The following ABHD18 variants were observed in gnomAD, a reference collection of about 807,000 sequenced individuals.
ABHD18 encodes abhydrolase domain containing 18, also known as cardiolipin-specific deacylase, mitochondrial.
ABHD18 carries 55 observed loss-of-function variants against 65.9 expected under a neutral mutation model. The ratio of observed to expected loss-of-function variants is 0.84; its 90% CI spans 0.67 to 1.05. The LOEUF (loss-of-function observed/expected upper bound fraction) is 1.05, where lower values mean the gene tolerates loss of function less well. Ranked by LOEUF, ABHD18 falls within the 50% of genes least tolerant of loss-of-function variation. The pLI, the probability that ABHD18 is intolerant of heterozygous loss-of-function variation, is 0.00. For missense variants in ABHD18, 533 were observed against 558.5 expected, an observed-to-expected ratio of 0.95 and a Z score of 0.46; for synonymous variants, 181 against 180.2, an observed-to-expected ratio of 1.00 and a Z score of -0.04.
intron 1 of ABHD18, among the ~76,000 whole-genome samples, chr4:127,971,498 TTTTTTTTTTTTTG>T (rs1746785827): frequency 7.5e-6 from 1 of 132,828 alleles, no homozygotes; most frequent in African/African-American, 2.9e-5. Flanking sequence ...TTTTTTTTTT[TTTTTTTTTTTTTG>T]AGACGATCTT....
At position 127,998,355 on chromosome 4, in the gene ABHD18, T is replaced by C. The variant is rs539634251; in HGVS notation, c.278+8534T>C. 1.4e-3 allele frequency among the ~76,000 whole-genome samples: 207 copies of C among 148,910 alleles called. 1 individual carries two copies. Among genetic ancestry groups the C allele is most frequent in the African/African-American group, 4.3e-3 (178 of 40,974 alleles). ...TGGAGTGCACTGGCACGATCTCGGCTTACTGCATTCTCCTGCCTCAGCCTC... is the reference window on the plus strand; with the variant it reads ...TGGAGTGCACTGGCACGATCTCGGCCTACTGCATTCTCCTGCCTCAGCCTC... On this transcript the variant is annotated intron_variant, in intron 4 of 12. Transcript: ENST00000645843.
chr4:128,021,520 G>T (rs1756496537), intron 10 of ABHD18, among the ~76,000 whole-genome samples: 1 of 152,090 alleles, frequency 6.6e-6, no homozygotes, highest in African/African-American at 2.4e-5. Context: ...CACGTGTGGT[G>T]GTAGGTGCCT....
At chr4:127,980,142 G>A (rs1748755137) in intron 1 of ABHD18, among the ~76,000 whole-genome samples, 1 of 152,168 alleles carries the variant, frequency 6.6e-6, no homozygotes, top group South Asian at 2.1e-4. Context: ...GTCCTAATAA[G>A]AGGTGATTAG....
chr4:127,978,528 CTTTTTGG>C (rs1748403027), intron 1 of ABHD18, among the ~76,000 whole-genome samples: 1 of 152,078 alleles, frequency 6.6e-6, no homozygotes, highest in Admixed American at 6.5e-5. Context: ...ATGGTAGAAG[CTTTTTGG>C]TATAAATCTG....
intron 3 of ABHD18, among the ~76,000 whole-genome samples, chr4:127,986,494 T>C (rs1749978813): frequency 6.6e-6 from 1 of 152,260 alleles, no homozygotes; most frequent in Admixed American, 6.5e-5. Context: ...GTTTTCACTT[T>C]TTGGCTATTA....
At chr4:127,990,165 A>T (rs994587078) in intron 4 of ABHD18, among the ~76,000 whole-genome samples, 1 of 152,238 alleles carries the variant, frequency 6.6e-6, no homozygotes, top group Non-Finnish European at 1.5e-5. Flanking sequence ...CCATTTTTGT[A>T]AACACACAAG....
chr4:127,981,774 A>G (rs1013215972), intron 1 of ABHD18, among the ~76,000 whole-genome samples: 8 of 152,206 alleles, frequency 5.3e-5, no homozygotes, highest in African/African-American at 1.9e-4. Context: ...CACATTTATC[A>G]AAGAGCCATT....
rs748647095 is a variant in ABHD18 at position 128,030,553 on chromosome 4, A to T, written c.1224A>T (p.Glu408Asp). Residue 408 changes from glutamate to aspartate, a missense_variant, in exon 12 of 13, where the codon GAA becomes GAT. Coordinates refer to ENST00000645843, the MANE Select transcript of ABHD18 (RefSeq NM_001358451.3). ...PSLIIVVQAKEDAYIPRTGVR... is the reference protein window; with the variant it reads ...PSLIIVVQAKDDAYIPRTGVR... The stretch of plus-strand genomic sequence containing the variant: ...TCATTATAGTGGTTCAAGCCAAAGA[A>T]GATGCCTATATTCCACGAACAGGAG... 6.2e-7 allele frequency: 1 copy of T among 1,602,520 alleles called. No individual in the cohort carries two copies. The highest frequency in any genetic ancestry group is 8.5e-7 in the Non-Finnish European group (1 of 1,177,976).
intron 1 of ABHD18, among the ~76,000 whole-genome samples, chr4:127,974,170 A>G (rs967889544): frequency 6.7e-6 from 1 of 150,262 alleles, no homozygotes; most frequent in Non-Finnish European, 1.5e-5. Context: ...TTTGAAGAGA[A>G]TATTAACCTT....
rs70966065 is a variant in ABHD18, at chr4:127,966,702, C to CAAAAAAAAAAAAAAAAA, written c.-18+1116_-18+1132dup. On this transcript the variant is annotated intron_variant, in intron 1 of 12. Transcript: ENST00000645843. Reference sequence around the variant, plus strand: ...TGAAACCCCGTCTCTACTAAAAATACAAAAAAAAAAAAAAAAAAAAAAAAA... The same window carrying CAAAAAAAAAAAAAAAAA: ...TGAAACCCCGTCTCTACTAAAAATACAAAAAAAAAAAAAAAAAAAAAAAAAAAAAAAAAAAAAAAAAA... 2.8e-4 allele frequency among the ~76,000 whole-genome samples: 6 copies of CAAAAAAAAAAAAAAAAA among 21,540 alleles called. 2 individuals are homozygous for CAAAAAAAAAAAAAAAAA. Among genetic ancestry groups the CAAAAAAAAAAAAAAAAA allele is most frequent in the African/African-American group, 5.3e-4 (3 of 5,640 alleles). 14.1% of individuals were successfully genotyped at this position (21,540 alleles called of 152,430 possible). A position where few individuals can be genotyped will look rare whatever the true frequency, so the allele number is the denominator to read the frequency against.
intron 4 of ABHD18, among the ~76,000 whole-genome samples, chr4:128,008,097 A>G (rs574354137): frequency 3.3e-5 from 5 of 151,900 alleles, no homozygotes; most frequent in South Asian, 4.2e-4. Context: ...CGCCATCTCT[A>G]CTAAAAATAC....
intron 4 of ABHD18, among the ~76,000 whole-genome samples, chr4:127,992,475 T>TA (rs1203669364): frequency 7.1e-4 from 104 of 146,978 alleles, no homozygotes; most frequent in African/African-American, 2.3e-3. Context: ...AACACCATCT[T>TA]AAAAAAAAAA....
At chr4:128,012,278 A>C (rs570509604) in intron 7 of ABHD18, among the ~76,000 whole-genome samples, 1 of 152,046 alleles carries the variant, frequency 6.6e-6, no homozygotes, top group Non-Finnish European at 1.5e-5. Context: ...TGCCCAGCCT[A>C]CCTTTTCCTT....
intron 10 of ABHD18, 103 bp downstream of exon 10, chr4:128,021,341 C>A: frequency 1.5e-6 from 1 of 684,414 alleles, no homozygotes; most frequent in Non-Finnish European, 2.4e-6. Context: ...AAAAACATAG[C>A]TGTACATACT....
At position 127,984,383 on chromosome 4, in the gene ABHD18, A is replaced by G. The variant is rs1453492467; in HGVS notation, c.137A>G (p.Gln46Arg). Residue 46 changes from glutamine (Q) to arginine (R), a missense_variant, in exon 3 of 13, where the codon CAG (glutamine) becomes CGG (arginine). Coordinates refer to ENST00000645843, the MANE Select transcript of ABHD18 (RefSeq NM_001358451.3). ...ATGATTGGAAATCGGGAAAGATGCC[A>G]GAATCTGGTTTCAAGCGATTATCCA... is the stretch of plus-strand genomic sequence containing the variant. ...RKMIGNRERCQNLVSSDYPVH... is the reference protein window; with the variant it reads ...RKMIGNRERCRNLVSSDYPVH... 6 of 1,550,930 alleles carry G rather than the reference A, an allele frequency of 3.9e-6. No individual in the cohort carries two copies. The highest frequency in any genetic ancestry group is 3.6e-5 in the South Asian group (3 of 84,070).
intron 1 of ABHD18, among the ~76,000 whole-genome samples, chr4:127,968,404 A>G (rs77194090): frequency 0.035 from 5,387 of 152,318 alleles, 323 homozygotes; most frequent in African/African-American, 0.12. Flanking sequence ...GATAAAATTT[A>G]AAGTCTTCTT....
intron 1 of ABHD18, among the ~76,000 whole-genome samples, chr4:127,974,476 A>G (rs1332409594): frequency 2.0e-5 from 3 of 151,904 alleles, no homozygotes; most frequent in Non-Finnish European, 4.4e-5. Flanking sequence ...AGTTCAAGCA[A>G]TCCTCCCACC....
At chr4:128,033,524 C>CTTTTTT (rs869099600) in intron 12 of ABHD18, among the ~76,000 whole-genome samples, 39 of 108,630 alleles carry the variant, frequency 3.6e-4, no homozygotes, top group Admixed American at 5.7e-4. Context: ...CAAAGATAGT[C>CTTTTTT]TTTTTTTTTT....
Position 127,965,533 on chromosome 4 carries a change from T to C in ABHD18, c.-91T>C. 3.4e-6 allele frequency: 1 copy of C among 295,272 alleles called. No homozygotes were observed. Among genetic ancestry groups the C allele is most frequent in the South Asian group, 3.4e-5 (1 of 29,478 alleles). 18.3% of individuals were successfully genotyped at this position (295,272 alleles called of 1,614,324 possible). Reference sequence around the variant, plus strand: ...TGGGGCTGGGACCAAAGTTGAGTCCTGGAAAGGGAGCCTGGAGAGCGGCGG... The same window carrying C: ...TGGGGCTGGGACCAAAGTTGAGTCCCGGAAAGGGAGCCTGGAGAGCGGCGG... On this transcript the variant is annotated 5_prime_UTR_variant, in exon 1 of 13. Transcript: ENST00000645843.
Sources: gnomAD v4.1 joint callset for allele counts (sites outside exome capture counted in the v4.1 genomes callset) on GRCh38, gnomAD v4.1.1 for gene constraint, MANE v1.5 for transcripts, NCBI Gene and HGNC (gene_info 2026-07-23, HGNC 2026-07-21) for gene names.